SAMD12: variants seen among roughly 807,000 people sequenced by gnomAD.
SAMD12 encodes sterile alpha motif domain containing 12.
SAMD12 carries 9 observed loss-of-function variants against 15.0 expected under a neutral mutation model. The observed-to-expected ratio is 0.60, with a 90% CI of 0.36 to 1.05. SAMD12 has a LOEUF of 1.05. Ranked by LOEUF, SAMD12 falls within the 50% of genes least tolerant of loss-of-function variation. The pLI is 0.01. For synonymous variants in SAMD12, 86 were observed against 90.1 expected, an observed-to-expected ratio of 0.96 and a Z score of 0.25; for missense variants, 230 against 234.2, an observed-to-expected ratio of 0.98 and a Z score of 0.12.
chr8:118,198,534 G>A (rs1191441195), intron 4 of SAMD12, among the ~76,000 whole-genome samples: 2 of 152,148 alleles, frequency 1.3e-5, no homozygotes, highest in East Asian at 3.9e-4. Flanking sequence ...CAGACAATGG[G>A]AGAGAAGCAC....
chr8:118,459,185 C>A (rs1296960113), intron 2 of SAMD12, among the ~76,000 whole-genome samples: 1 of 152,048 alleles, frequency 6.6e-6, no homozygotes, highest in Non-Finnish European at 1.5e-5. Flanking sequence ...CCTGCCTCAA[C>A]CTCCTGAGTA....
At chr8:118,477,577 A>T (rs1463871236) in intron 2 of SAMD12, among the ~76,000 whole-genome samples, 1 of 152,152 alleles carries the variant, frequency 6.6e-6, no homozygotes. Flanking sequence ...TAATCATTTG[A>T]ATTTATATGT....
chr8:118,452,264 T>C (rs910647848), intron 2 of SAMD12, among the ~76,000 whole-genome samples: 10 of 152,230 alleles, frequency 6.6e-5, no homozygotes, highest in South Asian at 6.2e-4. Context: ...CCAGAAGTGA[T>C]TAACACAGGA....
intron 2 of SAMD12, among the ~76,000 whole-genome samples, chr8:118,532,257 T>G (rs1256294670): frequency 6.6e-6 from 1 of 152,226 alleles, no homozygotes; most frequent in Non-Finnish European, 1.5e-5. Context: ...TTGTGTATGT[T>G]GAATCAGCCT....
intron 1 of SAMD12, among the ~76,000 whole-genome samples, chr8:118,599,231 T>G: frequency 6.6e-6 from 1 of 152,286 alleles, no homozygotes; most frequent in Non-Finnish European, 1.5e-5. Flanking sequence ...GCAGCAGAGA[T>G]GCAACATGTC....
At chr8:118,325,717 C>G (rs1816534425) in intron 4 of SAMD12, among the ~76,000 whole-genome samples, 1 of 152,170 alleles carries the variant, frequency 6.6e-6, no homozygotes, top group African/African-American at 2.4e-5. Flanking sequence ...AACATCTCCT[C>G]ACTGCTCCCA....
intron 4 of SAMD12, among the ~76,000 whole-genome samples, chr8:118,212,062 T>G (rs13279530): frequency 0.51 from 76,900 of 150,260 alleles, 21,170 homozygotes; most frequent in Non-Finnish European, 0.62. Context: ...GTTGCAGATT[T>G]TGTGTGTGTG....
Position 118,292,349 on chromosome 8 carries a change from G to GACACACACACAC in SAMD12, c.433+87199_433+87210dup, listed in dbSNP as rs3052706. On this transcript the variant is annotated intron_variant, in intron 4 of 4. Coordinates refer to the SAMD12 transcript ENST00000409003. ...TAATGTCCAAAACTGCAAACACACAGACACACACACACACACACACACACA... is the reference window on the plus strand; with the variant it reads ...TAATGTCCAAAACTGCAAACACACAGACACACACACACACACACACACACACACACACACACA... Among the ~76,000 whole-genome samples, 665 of 137,698 alleles carry GACACACACACAC rather than the reference G, an allele frequency of 4.8e-3. 14 individuals carry two copies. Among genetic ancestry groups the GACACACACACAC allele is most frequent in the East Asian group, 0.021 (97 of 4,650 alleles). 90.3% of individuals were successfully genotyped at this position (137,698 alleles called of 152,430 possible). A position where few individuals can be genotyped will look rare whatever the true frequency, so the allele number is the denominator to read the frequency against.
At chr8:118,538,157 AGTCTCTGTCT>A (rs1825896516) in intron 2 of SAMD12, among the ~76,000 whole-genome samples, 1 of 147,416 alleles carries the variant, frequency 6.8e-6, no homozygotes, top group Non-Finnish European at 1.5e-5. Context: ...AAATGGAGTT[AGTCTCTGTCT>A]GTCTGTCTGT....
intron 3 of SAMD12, among the ~76,000 whole-genome samples, chr8:118,384,130 G>C (rs891656469): frequency 4.6e-5 from 7 of 152,130 alleles, no homozygotes; most frequent in African/African-American, 1.7e-4. Flanking sequence ...GGGAATAGAA[G>C]TGTCAACGCA....
At chr8:118,152,508 T>C in the SAMD12 span, among the ~76,000 whole-genome samples, 1 of 149,280 alleles carries the variant, frequency 6.7e-6, no homozygotes, top group South Asian at 2.3e-4. Context: ...TCCTTCTTCC[T>C]TCCTTCTTTT....
intron 1 of SAMD12, among the ~76,000 whole-genome samples, chr8:118,581,911 C>G (rs940185213): frequency 6.6e-6 from 1 of 152,242 alleles, no homozygotes; most frequent in Non-Finnish European, 1.5e-5. Context: ...CTTAATACCC[C>G]CATCTTCCCC....
chr8:118,389,245 T>TA (rs1820139616), intron 3 of SAMD12, among the ~76,000 whole-genome samples: 1 of 152,236 alleles, frequency 6.6e-6, no homozygotes, highest in Non-Finnish European at 1.5e-5. Context: ...TTATTTGAAG[T>TA]ACACCTTAAT....
At chr8:118,132,581 A>T in the SAMD12 span, among the ~76,000 whole-genome samples, 1 of 152,148 alleles carries the variant, frequency 6.6e-6, no homozygotes, top group African/African-American at 2.4e-5. Context: ...CAATATCAGC[A>T]CTGTTCATAG....
chr8:118,424,413 T>C (rs1488217802), intron 3 of SAMD12, among the ~76,000 whole-genome samples: 1 of 152,044 alleles, frequency 6.6e-6, no homozygotes, highest in Non-Finnish European at 1.5e-5. Context: ...AAACTGAGGC[T>C]CAGTGAGGTT....
chr8:118,296,790 G>A (rs1814736601), intron 4 of SAMD12, among the ~76,000 whole-genome samples: 1 of 152,194 alleles, frequency 6.6e-6, no homozygotes, highest in Non-Finnish European at 1.5e-5. Flanking sequence ...TGGTCTTGAT[G>A]CCTAATTATT....
chr8:118,289,474 G>A (rs1319326354), intron 4 of SAMD12, among the ~76,000 whole-genome samples: 5 of 152,208 alleles, frequency 3.3e-5, no homozygotes. Context: ...TGAATGATAT[G>A]AAGGGTCTAG....
intron 4 of SAMD12, among the ~76,000 whole-genome samples, chr8:118,271,590 A>T (rs1813356731): frequency 6.6e-6 from 1 of 152,228 alleles, no homozygotes; most frequent in South Asian, 2.1e-4. Flanking sequence ...AGACAAGGCA[A>T]GTCCCTTCCA....
At chr8:118,529,539 C>T (rs1318928367) in intron 2 of SAMD12, among the ~76,000 whole-genome samples, 3 of 152,084 alleles carry the variant, frequency 2.0e-5, no homozygotes, top group Non-Finnish European at 2.9e-5. Flanking sequence ...ATTCCTCATC[C>T]CCCTTCTACC....
Sources: allele counts gnomAD v4.1 joint callset (sites outside exome capture counted in the v4.1 genomes callset), GRCh38; gene constraint gnomAD v4.1.1; transcripts MANE v1.5; gene names NCBI Gene and HGNC (gene_info 2026-07-23, HGNC 2026-07-21).